Variants in CAB39L observed in about 807,000 individuals in gnomAD.
CAB39L encodes calcium binding protein 39 like.
In CAB39L, 23 loss-of-function variants were observed where a neutral mutation model predicts 39.1. The observed-to-expected ratio is 0.59, with a 90% CI of 0.42 to 0.83. The LOEUF (loss-of-function observed/expected upper bound fraction) is 0.83, where lower values mean the gene tolerates loss of function less well. Ranked by LOEUF, CAB39L falls within the 40% of genes least tolerant of loss-of-function variation. The pLI is 0.00. For synonymous variants in CAB39L, 126 were observed against 137.2 expected, an observed-to-expected ratio of 0.92 and a Z score of 0.57; for missense variants, 366 against 391.9, an observed-to-expected ratio of 0.93 and a Z score of 0.56.
At chr13:49,427,164 A>G (rs1354566768) in intron 3 of CAB39L, among the ~76,000 whole-genome samples, 6 of 152,154 alleles carry the variant, frequency 3.9e-5, no homozygotes, top group Non-Finnish European at 8.8e-5. Flanking sequence ...ACTACAGGTG[A>G]CAGTGTTGCA....
intron 3 of CAB39L, among the ~76,000 whole-genome samples, chr13:49,425,413 G>A (rs750484140): frequency 6.6e-6 from 1 of 152,130 alleles, no homozygotes; most frequent in African/African-American, 2.4e-5. Flanking sequence ...ATAGGCATAT[G>A]TAGAAAAATA....
intron 5 of CAB39L, among the ~76,000 whole-genome samples, chr13:49,364,826 T>G (rs1397608523): frequency 2.0e-5 from 3 of 152,096 alleles, no homozygotes; most frequent in Non-Finnish European, 4.4e-5. Flanking sequence ...ATATTCCGTG[T>G]CCATGGATTG....
intron 10 of CAB39L, among the ~76,000 whole-genome samples, chr13:49,323,962 C>G (rs1253339978): frequency 6.6e-6 from 1 of 152,132 alleles, no homozygotes; most frequent in Non-Finnish European, 1.5e-5. Context: ...TGTATTTTAT[C>G]TGGCAATCCT....
intron 6 of CAB39L, among the ~76,000 whole-genome samples, chr13:49,352,325 C>T (rs1955379696): frequency 6.6e-6 from 1 of 151,922 alleles, no homozygotes; most frequent in Non-Finnish European, 1.5e-5. Flanking sequence ...ATGAATAATG[C>T]TTAGCCCAAG....
rs2138689597 is a variant in CAB39L at position 49,412,711 on chromosome 13, TGGGATGCAGG to T, written c.-32+20597_-32+20606del. Among the ~76,000 whole-genome samples, 3 of 152,232 alleles carry T rather than the reference TGGGATGCAGG, an allele frequency of 2.0e-5. No individual in the cohort carries two copies. The South Asian group carries it at 6.2e-4, about 32-fold the overall frequency. On this transcript the variant is annotated intron_variant, in intron 3 of 10. Transcript: ENST00000409308. Reference sequence around the variant, plus strand: ...GCCATTCTTCCACGGACCTGGAGGTTGGGATGCAGGGGATGGTTTCGGGATGAAACTGTTG... The same window carrying T: ...GCCATTCTTCCACGGACCTGGAGGTTGGATGGTTTCGGGATGAAACTGTTG...
intron 3 of CAB39L, among the ~76,000 whole-genome samples, chr13:49,421,410 A>G (rs761183937): frequency 1.1e-4 from 17 of 152,198 alleles, no homozygotes; most frequent in Non-Finnish European, 2.1e-4. Flanking sequence ...TCTTTCCCTA[A>G]ATGGGGAACA....
At chr13:49,435,418 G>A (rs1222613488) in intron 1 of CAB39L, among the ~76,000 whole-genome samples, 1 of 152,038 alleles carries the variant, frequency 6.6e-6, no homozygotes, top group Non-Finnish European at 1.5e-5. Context: ...CAGTCTACAG[G>A]GCCTATTGTA....
chr13:49,350,708 T>A lies in CAB39L; in HGVS notation c.564+36A>T, dbSNP rs780434413. The A allele has an allele frequency of 4.8e-6, 7 of 1,472,176 alleles. No homozygotes were observed. The Admixed American group carries it at 9.2e-5, about 19-fold the overall frequency. 91.2% of individuals were successfully genotyped at this position (1,472,176 alleles called of 1,614,324 possible). ...TGCCTCTTCAGGGGCCAAGTGACTA[T>A]AAATTGACCTAGCTGAGTTGGAAAA... On this transcript the variant is annotated intron_variant, in intron 7 of 10. Transcript: ENST00000409308.
chr13:49,329,580 T>A lies in CAB39L; in HGVS notation c.834+2367A>T, dbSNP rs1350318266. Among the ~76,000 whole-genome samples the A allele has an allele frequency of 3.4e-3, 333 of 98,240 alleles. 19 individuals carry two copies. Among genetic ancestry groups the A allele is most frequent in the African/African-American group, 0.01 (262 of 25,568 alleles). 64.4% of individuals were successfully genotyped at this position (98,240 alleles called of 152,430 possible). ...ATATATATATATATATATATATATATATATATATATATATATAATGATGTA... is the reference window on the plus strand; with the variant it reads ...ATATATATATATATATATATATATAAATATATATATATATATAATGATGTA... On this transcript the variant is annotated intron_variant, in intron 10 of 10. Coordinates refer to ENST00000409308, the MANE Select transcript of CAB39L (RefSeq NM_001079670.3).
Position 49,309,742 on chromosome 13 carries a change from T to G in CAB39L, c.*1072A>C, listed in dbSNP as rs1441602005. ...TCTATGTGTTCACTAAAGACTGTGA[T>G]GGGCAATTATAGAATGACAGCTTAT... On this transcript the variant is annotated 3_prime_UTR_variant, in exon 11 of 11. Transcript: ENST00000409308. The G allele has an allele frequency of 1.3e-5, 2 of 152,208 alleles. No homozygotes were observed. Among genetic ancestry groups the G allele is most frequent in the African/African-American group, 4.8e-5 (2 of 41,446 alleles). The allele number at this position is 152,208 out of a possible 1,614,324, so 9.4% of individuals were successfully genotyped here.
chr13:49,410,825 T>C (rs918568344), intron 3 of CAB39L, among the ~76,000 whole-genome samples: 7 of 152,128 alleles, frequency 4.6e-5, no homozygotes, highest in Non-Finnish European at 8.8e-5. Context: ...ATGGAATTCA[T>C]CCAGTAATTA....
chr13:49,336,723 G>A (rs969352090), intron 9 of CAB39L, among the ~76,000 whole-genome samples: 2 of 152,102 alleles, frequency 1.3e-5, no homozygotes, highest in African/African-American at 4.8e-5. Flanking sequence ...TTCCTTCCAG[G>A]GCCACTACTC....
In CAB39L at chr13:49,425,184, C is replaced by A. The variant is rs528116958; in HGVS notation, c.-32+8134G>T. Reference sequence around the variant, plus strand: ...TTAAAAAAGTAAACCTAAGAAAAGTCAAAAAATAACTAAACAGGAGAACAT... The same window carrying A: ...TTAAAAAAGTAAACCTAAGAAAAGTAAAAAAATAACTAAACAGGAGAACAT... On this transcript the variant is annotated intron_variant, in intron 3 of 10. Coordinates refer to ENST00000409308, the MANE Select transcript of CAB39L (RefSeq NM_001079670.3). Among the ~76,000 whole-genome samples, 6 of 145,662 alleles carry A rather than the reference C, an allele frequency of 4.1e-5. No homozygotes were observed. The East Asian group carries it at 7.7e-4, about 19-fold the overall frequency.
intron 6 of CAB39L, 190 bp from the exon 7 acceptor site, chr13:49,351,102 G>A (rs1192764091): frequency 1.2e-5 from 4 of 334,508 alleles, no homozygotes; most frequent in African/African-American, 6.5e-5. Flanking sequence ...GAATTTGAGT[G>A]TATTCTGAAA....
chr13:49,441,221 G>GTGTGTATATATATATATATATA (rs1024957572), intron 1 of CAB39L, among the ~76,000 whole-genome samples: 3 of 121,444 alleles, frequency 2.5e-5, no homozygotes, highest in African/African-American at 1.1e-4. Flanking sequence ...ATGATTTAGT[G>GTGTGTATATATATATATATATA]TATATATATA....
intron 7 of CAB39L, among the ~76,000 whole-genome samples, chr13:49,348,396 CCT>C (rs1246436524): frequency 1.3e-5 from 2 of 152,106 alleles, no homozygotes; most frequent in Admixed American, 1.3e-4. Context: ...GGCAAAACCC[CCT>C]CTCTACTAAA....
chr13:49,398,692 T>C (rs910275846), intron 3 of CAB39L, among the ~76,000 whole-genome samples: 2 of 152,088 alleles, frequency 1.3e-5, no homozygotes, highest in Non-Finnish European at 2.9e-5. Context: ...GCATATTGCA[T>C]TACTGACTTT....
At chr13:49,429,287 C>T (rs1594096071) in intron 3 of CAB39L, among the ~76,000 whole-genome samples, 1 of 152,148 alleles carries the variant, frequency 6.6e-6, no homozygotes, top group Non-Finnish European at 1.5e-5. Flanking sequence ...GAGATGAGGT[C>T]TTATTATGTT....
intron 3 of CAB39L, among the ~76,000 whole-genome samples, chr13:49,426,453 G>A (rs1031781268): frequency 1.3e-5 from 2 of 151,886 alleles, no homozygotes; most frequent in South Asian, 2.1e-4. Context: ...TTGAGACGGA[G>A]TCTCGCTGTG....
Sources: gnomAD v4.1 joint callset for allele counts (sites outside exome capture counted in the v4.1 genomes callset) on GRCh38, gnomAD v4.1.1 for gene constraint, MANE v1.5 for transcripts, NCBI Gene and HGNC (gene_info 2026-07-23, HGNC 2026-07-21) for gene names.